The following OLFM3 variants were observed in gnomAD, a reference collection of about 807,000 sequenced individuals.
The protein encoded by OLFM3 is noelin-3.
In OLFM3, 20 loss-of-function variants were observed where a neutral mutation model predicts 48.6. The observed-to-expected ratio is 0.41, with a 90% CI of 0.29 to 0.60. The LOEUF (loss-of-function observed/expected upper bound fraction) is 0.60. OLFM3 is among the 20% of genes least tolerant of loss of function. The pLI is 0.28. For missense variants in OLFM3, 437 were observed against 544.3 expected (o/e 0.80, Z 1.96); for synonymous variants, 222 against 198.1 (o/e 1.12, Z -1.01).
At chr1:101,857,824 C>A (rs1656491144) in intron 1 of OLFM3, among the ~76,000 whole-genome samples, 1 of 152,036 alleles carries the variant, frequency 6.6e-6, no homozygotes. Context: ...GATGTGCTCT[C>A]ATTTTTAACC....
At chr1:101,922,624 T>C (rs952371121) in intron 1 of OLFM3, among the ~76,000 whole-genome samples, 1 of 152,178 alleles carries the variant, frequency 6.6e-6, no homozygotes, top group Non-Finnish European at 1.5e-5. Flanking sequence ...ATTATTCCTA[T>C]GAATACCCGT....
At chr1:101,810,914 C>T (rs1327590) in intron 4 of OLFM3, among the ~76,000 whole-genome samples, 83,668 of 151,256 alleles carry the variant, frequency 0.55, 23,543 homozygotes, top group East Asian at 0.64. Context: ...AGATACTGTA[C>T]ATATGATTCA....
At chr1:101,967,305 CA>C (rs145128808) in intron 1 of OLFM3, among the ~76,000 whole-genome samples, 1 of 53,182 alleles carries the variant, frequency 1.9e-5, no homozygotes, top group African/African-American at 6.2e-5. Context: ...GGCCAAAAAA[CA>C]AAAAAAACAA....
intron 1 of OLFM3, among the ~76,000 whole-genome samples, chr1:101,865,829 A>G (rs541028889): frequency 6.6e-6 from 1 of 152,318 alleles, no homozygotes; most frequent in East Asian, 1.9e-4. Flanking sequence ...ATAACATTTA[A>G]CTCTACTAGA....
intron 1 of OLFM3, among the ~76,000 whole-genome samples, chr1:101,991,237 A>C (rs1661402202): frequency 6.6e-6 from 1 of 151,804 alleles, no homozygotes; most frequent in Non-Finnish European, 1.5e-5. Context: ...AGATATATGG[A>C]AATGTACAGA....
chr1:101,866,159 G>A (rs1268622988), intron 1 of OLFM3, among the ~76,000 whole-genome samples: 1 of 152,034 alleles, frequency 6.6e-6, no homozygotes, highest in Non-Finnish European at 1.5e-5. Context: ...TCAGTCAAAT[G>A]TATTTAAGGA....
intron 1 of OLFM3, among the ~76,000 whole-genome samples, chr1:101,932,993 G>C (rs1001634940): frequency 3.3e-5 from 5 of 152,020 alleles, no homozygotes; most frequent in Non-Finnish European, 7.4e-5. Context: ...CACGAGGTCA[G>C]GAGATTGAGA....
At chr1:101,990,161 C>G (rs958809280) in intron 1 of OLFM3, among the ~76,000 whole-genome samples, 3 of 152,120 alleles carry the variant, frequency 2.0e-5, no homozygotes, top group African/African-American at 7.2e-5. Context: ...TCCTAAGAAA[C>G]TTGTAAAATA....
chr1:101,842,731 T>C (rs1402865322), intron 1 of OLFM3, among the ~76,000 whole-genome samples: 2 of 152,178 alleles, frequency 1.3e-5, no homozygotes, highest in Admixed American at 1.3e-4. Context: ...TTCACTGCTT[T>C]ACAGGCAGCC....
chr1:101,897,285 C>T (rs926864403), intron 1 of OLFM3, among the ~76,000 whole-genome samples: 5 of 151,970 alleles, frequency 3.3e-5, no homozygotes, highest in African/African-American at 1.2e-4. Flanking sequence ...AAATAGATAC[C>T]ATTACTAACA....
At chr1:101,928,564 G>T (rs2101045829) in intron 1 of OLFM3, among the ~76,000 whole-genome samples, 1 of 152,118 alleles carries the variant, frequency 6.6e-6, no homozygotes, top group East Asian at 1.9e-4. Context: ...GAGAACTTGA[G>T]AAAACTCATT....
At chr1:101,882,217 TATATAACAATCAAATTTTCAAAA>T (rs1378715779) in intron 1 of OLFM3, among the ~76,000 whole-genome samples, 2 of 150,842 alleles carry the variant, frequency 1.3e-5, no homozygotes, top group Admixed American at 1.3e-4. Context: ...AAGTATTGAC[TATATAACAATCAAATTTTCAAAA>T]ATGTTATATC....
chr1:101,840,424 G>T (rs10443188), intron 1 of OLFM3, among the ~76,000 whole-genome samples: 49,192 of 151,406 alleles, frequency 0.32, 8,225 homozygotes, highest in Admixed American at 0.43. Context: ...GTGTAAATCT[G>T]CCTTTTAGGC....
At chr1:101,954,767 G>A (rs1435186986) in intron 1 of OLFM3, among the ~76,000 whole-genome samples, 1 of 151,998 alleles carries the variant, frequency 6.6e-6, no homozygotes, top group Admixed American at 6.6e-5. Context: ...GTGGTGATTG[G>A]GGTTAGTCAA....
At chr1:101,830,629 C>T in intron 3 of OLFM3, 43 bp downstream of exon 3, 1 of 1,608,650 alleles carries the variant, frequency 6.2e-7, no homozygotes, top group South Asian at 1.1e-5. Flanking sequence ...CATCCCACTC[C>T]ATGTCTGATT....
intron 4 of OLFM3, among the ~76,000 whole-genome samples, chr1:101,815,703 G>T (rs1654304379): frequency 6.6e-6 from 1 of 152,178 alleles, no homozygotes; most frequent in South Asian, 2.1e-4. Flanking sequence ...ATGACTGAGG[G>T]AGGAATGGGT....
chr1:101,879,150 T>C (rs1374617423), intron 1 of OLFM3, among the ~76,000 whole-genome samples: 2 of 151,874 alleles, frequency 1.3e-5, no homozygotes, highest in African/African-American at 2.4e-5. Flanking sequence ...GATTGTGGCA[T>C]CATCCTTTTG....
intron 1 of OLFM3, among the ~76,000 whole-genome samples, chr1:101,888,892 C>G (rs1285045130): frequency 6.6e-6 from 1 of 152,142 alleles, no homozygotes; most frequent in Non-Finnish European, 1.5e-5. Flanking sequence ...CCAACAGACA[C>G]ATGAAAAAAT....
chr1:101,900,698 G>A (rs11164329), intron 1 of OLFM3, among the ~76,000 whole-genome samples: 47,218 of 151,800 alleles, frequency 0.31, 7,392 homozygotes, highest in East Asian at 0.37. Flanking sequence ...ATAAAGTAAA[G>A]AAAATATATG....
Sources: gnomAD v4.1 joint callset for allele counts (sites outside exome capture counted in the v4.1 genomes callset) on GRCh38, gnomAD v4.1.1 for gene constraint, MANE v1.5 for transcripts, NCBI Gene and HGNC (gene_info 2026-07-23, HGNC 2026-07-21) for gene names.